PMP2: variants seen among roughly 807,000 people sequenced by gnomAD.
PMP2 encodes peripheral myelin protein 2, also known as myelin P2 protein.
Under a neutral mutation model 15.9 loss-of-function variants are expected in PMP2, and 11 were observed. The ratio of observed to expected loss-of-function variants is 0.69; its 90% CI spans 0.44 to 1.14. PMP2 has a LOEUF of 1.14. Among genes scored for constraint, PMP2 ranks in the 50% most tolerant of loss-of-function variants. The pLI is 0.00. For synonymous variants in PMP2, 55 were observed against 54.1 expected, an observed-to-expected ratio of 1.02 and a Z score of -0.07; for missense variants, 151 against 154.0, an observed-to-expected ratio of 0.98 and a Z score of 0.10.
At position 81,446,465 on chromosome 8, in the gene PMP2, T is replaced by G. The variant is rs148986643; in HGVS notation, c.73+849A>C. On this transcript the variant is annotated intron_variant, in intron 1 of 3. Transcript: ENST00000256103. ...GCTCATTTTATCTAAAATAGAACAT[T>G]TTATACAGGCTTTCTGAACAGTTAA... Among the ~76,000 whole-genome samples, 1,068 of 152,306 alleles carry G rather than the reference T, an allele frequency of 7.0e-3. 7 individuals carry two copies. The highest frequency in any genetic ancestry group is 0.025 in the African/African-American group (1,021 of 41,572).
chr8:81,445,904 A>T (rs1807440846), intron 1 of PMP2, among the ~76,000 whole-genome samples: 2 of 152,128 alleles, frequency 1.3e-5, no homozygotes, highest in African/African-American at 2.4e-5. Flanking sequence ...AATATTTTTT[A>T]AAAAACTCTT....
chr8:81,444,790 A>C, intron 2 of PMP2, 27 bp downstream of exon 2: 1 of 1,608,960 alleles, frequency 6.2e-7, no homozygotes, highest in Non-Finnish European at 8.5e-7. Context: ...CACTGGGCCA[A>C]CTTTGAAGAG....
chr8:81,443,905 G>C (rs188929066), intron 3 of PMP2, among the ~76,000 whole-genome samples: 22 of 151,954 alleles, frequency 1.4e-4, no homozygotes, highest in Admixed American at 2.6e-4. Context: ...ACATTCGGAA[G>C]AGTACATGAA....
chr8:81,441,931 G>A lies in PMP2; in HGVS notation c.*1467C>T, dbSNP rs1386405249. ...TTTAGTGGCAAACTATATTAGACAC[G>A]AAGATCTGAGTGCTAGGTATATTCA... On this transcript the variant is annotated 3_prime_UTR_variant, in exon 4 of 4. Coordinates refer to ENST00000256103, the MANE Select transcript of PMP2 (RefSeq NM_002677.5). The A allele has an allele frequency of 2.0e-5, 3 of 151,840 alleles. No homozygotes were observed. The highest frequency in any genetic ancestry group is 1.3e-4 in the Admixed American group (2 of 15,228). 9.4% of individuals were successfully genotyped at this position (151,840 alleles called of 1,614,324 possible).
At position 81,443,456 on chromosome 8, in the gene PMP2, AAGAG is replaced by A. The variant is rs755229769; in HGVS notation, c.349-12_349-9del. The A allele has an allele frequency of 1.3e-6, 2 of 1,589,086 alleles. No individual in the cohort carries two copies. Among genetic ancestry groups the A allele is most frequent in the Admixed American group, 1.7e-5 (1 of 58,170 alleles). On this transcript the variant is annotated splice_polypyrimidine_tract_variant and intron_variant, in intron 3 of 3. Coordinates refer to ENST00000256103, the MANE Select transcript of PMP2 (RefSeq NM_002677.5). The stretch of plus-strand genomic sequence containing the variant: ...GCCCTTCATTTTACATTCCTTAAAA[AAGAG>A]AGAGGTTAATTGAGTATCTCAAGTT...
Position 81,443,258 on chromosome 8 carries a change from C to A in PMP2, c.*140G>T, listed in dbSNP as rs1249971823. The A allele has an allele frequency of 3.7e-6, 2 of 536,200 alleles. No individual in the cohort carries two copies. The highest frequency in any genetic ancestry group is 6.5e-6 in the Non-Finnish European group (2 of 305,384). The allele number at this position is 536,200 out of a possible 1,614,324, so 33.2% of individuals were successfully genotyped here. ...AATAACACTGACTTTTAGATTAATT[C>A]TCAGTTTAGGCCTTTGCATATCTGA... On this transcript the variant is annotated 3_prime_UTR_variant, in exon 4 of 4. Coordinates refer to ENST00000256103, the MANE Select transcript of PMP2 (RefSeq NM_002677.5).
In PMP2 at chr8:81,444,463, G is replaced by A. The variant is rs114220871; in HGVS notation, c.348+37C>T. On this transcript the variant is annotated intron_variant, in intron 3 of 3. Coordinates refer to ENST00000256103, the MANE Select transcript of PMP2 (RefSeq NM_002677.5). The stretch of plus-strand genomic sequence containing the variant: ...ACAATATAATCAAATTATTTATATA[G>A]CATTATTTCTCTATTTAGAAGTAAA... The A allele has an allele frequency of 1.1e-3, 1,375 of 1,201,960 alleles. 6 individuals carry two copies. In the African/African-American group the frequency reaches 0.019, roughly 16 times the overall value. 74.5% of individuals were successfully genotyped at this position (1,201,960 alleles called of 1,614,324 possible).
Position 81,441,359 on chromosome 8 carries a change from G to T in PMP2, c.*2039C>A, listed in dbSNP as rs10097844. 0.24 allele frequency: 35,974 copies of T among 152,004 alleles called. 5,600 individuals carry two copies. Among genetic ancestry groups the T allele is most frequent in the East Asian group, 0.74 (3,808 of 5,174 alleles). The allele number at this position is 152,004 out of a possible 1,614,324, so 9.4% of individuals were successfully genotyped here. Reference sequence around the variant, plus strand: ...TAATACCCTAATATCCTGCTCCTAAGCGAAATTTCCCCCTAGCTTTAGCAT... The same window carrying T: ...TAATACCCTAATATCCTGCTCCTAATCGAAATTTCCCCCTAGCTTTAGCAT... On this transcript the variant is annotated 3_prime_UTR_variant, in exon 4 of 4. Coordinates refer to ENST00000256103, the MANE Select transcript of PMP2 (RefSeq NM_002677.5).
chr8:81,441,117 C>G lies in PMP2; in HGVS notation c.*2281G>C, dbSNP rs551227625. 1 of 152,058 alleles carries G rather than the reference C, an allele frequency of 6.6e-6. No individual in the cohort carries two copies. The highest frequency in any genetic ancestry group is 2.4e-5 in the African/African-American group (1 of 41,414). The allele number at this position is 152,058 out of a possible 1,614,324, so 9.4% of individuals were successfully genotyped here. On this transcript the variant is annotated 3_prime_UTR_variant, in exon 4 of 4. Transcript: ENST00000256103. ...CATTGACATTTTTGAAGAATTCAGT[C>G]AAAACCCCCTGTCGTTTCTGGTTGT...
Position 81,444,957 on chromosome 8 carries a change from A to G in PMP2, c.106T>C (p.Leu36=). The G allele has an allele frequency of 6.2e-7, 1 of 1,613,810 alleles. No homozygotes were observed. The highest frequency in any genetic ancestry group is 1.1e-5 in the South Asian group (1 of 91,010). Residue 36 remains leucine (L), a synonymous_variant, in exon 2 of 4, where the codon TTG becomes CTG. Transcript: ENST00000256103. ...CTGATGATCACAGTGGGTTTGGCCA[A>G]ATTTCCCAGTTTTCTGGTGGCTAAC... ...VGLATRKLGN[L]AKPTVIISKK... is the part of the protein sequence containing the mutation.
At chr8:81,447,256 G>A in intron 1 of PMP2, 58 bp downstream of exon 1, 1 of 1,303,738 alleles carries the variant, frequency 7.7e-7, no homozygotes. Flanking sequence ...AGATGAAAAT[G>A]TCATGTAGCT....
At chr8:81,444,755 G>A in intron 2 of PMP2, 62 bp downstream of exon 2, 1 of 1,480,888 alleles carries the variant, frequency 6.8e-7, no homozygotes, top group Non-Finnish European at 9.4e-7. Flanking sequence ...ACACTAGCAG[G>A]AATATTCCTC....
Position 81,441,562 on chromosome 8 carries a change from C to CTATA in PMP2, c.*1832_*1835dup, listed in dbSNP as rs1347890821. On this transcript the variant is annotated 3_prime_UTR_variant, in exon 4 of 4. Transcript: ENST00000256103. Reference sequence around the variant, plus strand: ...TCTATCTATCTATCTATCTATCTATCTATATATCTATCTATCATCTGTCAG... The same window carrying CTATA: ...TCTATCTATCTATCTATCTATCTATCTATATATATATCTATCTATCATCTGTCAG... 2.8e-5 allele frequency: 4 copies of CTATA among 144,398 alleles called. No homozygotes were observed. The highest frequency in any genetic ancestry group is 2.0e-4 in the East Asian group (1 of 5,044). The allele number at this position is 144,398 out of a possible 1,614,324, so 8.9% of individuals were successfully genotyped here.
chr8:81,443,449 C>G lies in PMP2; in HGVS notation c.349-1G>C. On this transcript the variant is annotated splice_acceptor_variant, in intron 3 of 3. Coordinates refer to ENST00000256103, the MANE Select transcript of PMP2 (RefSeq NM_002677.5). LOFTEE classifies it high-confidence loss of function. ...ACACCACGCCCTTCATTTTACATTC[C>G]TTAAAAAAGAGAGAGGTTAATTGAG... 6.3e-7 allele frequency: 1 copy of G among 1,591,532 alleles called. No homozygotes were observed. Among genetic ancestry groups the G allele is most frequent in the Non-Finnish European group, 8.6e-7 (1 of 1,166,938 alleles).
At chr8:81,445,022 A>T (rs768929398) in intron 1 of PMP2, 33 bp from the exon 2 acceptor site, 1 of 1,590,992 alleles carries the variant, frequency 6.3e-7, no homozygotes, top group East Asian at 2.2e-5. Flanking sequence ...AATTATGTTG[A>T]CCAAGAGAGC....
intron 1 of PMP2, among the ~76,000 whole-genome samples, chr8:81,445,363 T>C (rs1229448287): frequency 6.6e-6 from 1 of 152,200 alleles, no homozygotes; most frequent in Non-Finnish European, 1.5e-5. Context: ...TAGCTGGGAC[T>C]ACAGGGGCCG....
At position 81,443,315 on chromosome 8, in the gene PMP2, G is replaced by T. The variant is rs1807386327; in HGVS notation, c.*83C>A. The T allele has an allele frequency of 2.3e-6, 2 of 865,706 alleles. No individual in the cohort carries two copies. Among genetic ancestry groups the T allele is most frequent in the Non-Finnish European group, 3.7e-6 (2 of 536,774 alleles). The allele number at this position is 865,706 out of a possible 1,614,324, so 53.6% of individuals were successfully genotyped here. ...AAGACAAAAGCAAAAACAAATATTT[G>T]CAGTGTATTCAGTTTTGTCAATGGA... On this transcript the variant is annotated 3_prime_UTR_variant, in exon 4 of 4. Transcript: ENST00000256103.
At position 81,443,194 on chromosome 8, in the gene PMP2, T is replaced by G. The variant is rs896775963; in HGVS notation, c.*204A>C. 7 of 434,768 alleles carry G rather than the reference T, an allele frequency of 1.6e-5. No individual in the cohort carries two copies. Among genetic ancestry groups the G allele is most frequent in the Non-Finnish European group, 2.4e-5 (6 of 247,668 alleles). The allele number at this position is 434,768 out of a possible 1,614,324, so 26.9% of individuals were successfully genotyped here. ...TTGTGTCTGGCCAATATATATGCTT[T>G]GATGTAATAATGACATGCATGCACA... is the stretch of plus-strand genomic sequence containing the variant. On this transcript the variant is annotated 3_prime_UTR_variant, in exon 4 of 4. Coordinates refer to ENST00000256103, the MANE Select transcript of PMP2 (RefSeq NM_002677.5).
chr8:81,445,040 A>G, intron 1 of PMP2, 51 bp from the exon 2 acceptor site: 2 of 1,527,202 alleles, frequency 1.3e-6, no homozygotes. Context: ...AGCATAGCCA[A>G]AGAGACTGTG....
Sources: allele counts gnomAD v4.1 joint callset (sites outside exome capture counted in the v4.1 genomes callset), GRCh38; gene constraint gnomAD v4.1.1; transcripts MANE v1.5; gene names NCBI Gene and HGNC (gene_info 2026-07-23, HGNC 2026-07-21).